Variants in UNC13D observed in about 807,000 individuals in gnomAD.
The protein encoded by UNC13D is protein unc-13 homolog D.
A neutral mutation model predicts 151.7 loss-of-function variants in UNC13D; 115 were observed. The ratio of observed to expected loss-of-function variants is 0.76; its 90% confidence interval spans 0.65 to 0.88. UNC13D has a LOEUF of 0.88. UNC13D is among the 40% of genes least tolerant of loss of function. The pLI is 0.00. For synonymous variants in UNC13D, 588 were observed against 612.2 expected, an observed-to-expected ratio of 0.96 and a Z score of 0.58; for missense variants, 1,369 against 1,438.7, an observed-to-expected ratio of 0.95 and a Z score of 0.78.
chr17:75,830,786 G>C, intron 27 of UNC13D, 125 bp from the exon 28 acceptor site: 1 of 1,240,384 alleles, frequency 8.1e-7, no homozygotes, highest in East Asian at 2.5e-5. Context: ...TGGGTCATGG[G>C]ACAACGGGCT....
Position 75,843,189 on chromosome 17 carries a change from C to T in UNC13D, c.231G>A (p.Glu77=), listed in dbSNP as rs148672333. 5.0e-6 allele frequency: 8 copies of T among 1,612,158 alleles called. No homozygotes were observed. The African/African-American group carries it at 8.0e-5, about 16-fold the overall frequency. ...LGHPEPNHVT[E]ASELLRYLQE... is the part of the protein sequence containing the mutation. ...GCAGGTATCGCAGCAGCTCAGAGGC[C>T]TCCGTCACATGGTTGGGCTCAGGAT... is the stretch of plus-strand genomic sequence containing the variant. Residue 77 remains glutamate (E), a synonymous_variant, in exon 3 of 32, where the codon GAG becomes GAA. Transcript: ENST00000207549.
intron 6 of UNC13D, 111 bp from the exon 7 acceptor site, chr17:75,841,112 C>A: frequency 1.4e-5 from 13 of 955,536 alleles, no homozygotes; most frequent in Non-Finnish European, 2.2e-5. Flanking sequence ...CCCTGCCAAA[C>A]TTCCCTCCTC....
At position 75,827,240 on chromosome 17, in the gene UNC13D, G is replaced by T. The variant is rs780651639; in HGVS notation, c.*725C>A. On this transcript the variant is annotated 3_prime_UTR_variant, in exon 32 of 32. Transcript: ENST00000207549. ...CAAAGGCATATTTTAAGAGGACAAT[G>T]GATTTGTTTTTATTAATTTTTTTGC... The T allele has an allele frequency of 4.9e-6, 2 of 405,202 alleles. No homozygotes were observed. Among genetic ancestry groups the T allele is most frequent in the Non-Finnish European group, 8.6e-6 (2 of 232,858 alleles). The allele number at this position is 405,202 out of a possible 1,614,324, so 25.1% of individuals were successfully genotyped here.
Position 75,828,181 on chromosome 17 carries a change from T to A in UNC13D, c.3152-95A>T, listed in dbSNP as rs116427461. ...TGTGTGGGGGGGTACACAACACTGC[T>A]CCATCTCCCCAACAACCTGGAAGGA... On this transcript the variant is annotated intron_variant, in intron 31 of 31. Transcript: ENST00000207549. The A allele has an allele frequency of 1.4e-3, 2,124 of 1,484,154 alleles. 29 individuals carry two copies. In the African/African-American group the frequency reaches 0.028, roughly 19 times the overall value. 91.9% of individuals were successfully genotyped at this position (1,484,154 alleles called of 1,614,324 possible).
Position 75,835,396 on chromosome 17 carries a change from G to C in UNC13D, c.1848+13C>G, listed in dbSNP as rs751021791. On this transcript the variant is annotated intron_variant, in intron 20 of 31. Transcript: ENST00000207549. The stretch of plus-strand genomic sequence containing the variant: ...AACCGGGGCCCCGCCCCCTGCCCTG[G>C]CCACGCCCCCACCTCATCCATCTGC... 17 of 1,610,012 alleles carry C rather than the reference G, an allele frequency of 1.1e-5. No individual in the cohort carries two copies. The highest frequency in any genetic ancestry group is 1.9e-4 in the Middle Eastern group (1 of 5,336).
At position 75,836,992 on chromosome 17, in the gene UNC13D, G is replaced by A. The variant is rs544691336; in HGVS notation, c.1056-74C>T. The A allele has an allele frequency of 5.9e-4, 868 of 1,459,012 alleles. 7 individuals are homozygous for A. The South Asian group carries it at 9.2e-3, about 15-fold the overall frequency. 90.4% of individuals were successfully genotyped at this position (1,459,012 alleles called of 1,614,324 possible). On this transcript the variant is annotated intron_variant, in intron 12 of 31. Transcript: ENST00000207549. ...TTCCCCTGTTCACCCGGCCTCAGGT[G>A]GGGGGAATCGCCTCCCATCCACCAG...
At chr17:75,838,689 T>A (rs914147135) in intron 12 of UNC13D, among the ~76,000 whole-genome samples, 15 of 152,112 alleles carry the variant, frequency 9.9e-5, no homozygotes, top group Admixed American at 5.2e-4. Flanking sequence ...GGGGCTGGGG[T>A]TAGGGACCGG....
At position 75,833,307 on chromosome 17, in the gene UNC13D, C is replaced by G; in HGVS notation, c.2368-262G>C. The G allele has an allele frequency of 2.8e-6, 1 of 355,088 alleles. No homozygotes were observed. The allele number at this position is 355,088 out of a possible 1,614,324, so 22.0% of individuals were successfully genotyped here. A position where few individuals can be genotyped will look rare whatever the true frequency, so the allele number is the denominator to read the frequency against. On this transcript the variant is annotated intron_variant, in intron 24 of 31. Coordinates refer to ENST00000207549, the MANE Select transcript of UNC13D (RefSeq NM_199242.3). This position sits in a 1 kb window ranked among gnomAD's most constrained non-coding sequence, Gnocchi z 4.0. ...TCAGGGTCTCTGCCCTTGCCGTTCC[C>G]TCTGCCTGGAATGCTCCTCCCCTAG...
In UNC13D at chr17:75,834,310, G is replaced by T. The variant is rs112341334; in HGVS notation, c.2298+15C>A. The stretch of plus-strand genomic sequence containing the variant: ...ACGGGATGGGATGGGGTGACTGTGC[G>T]GTCGGACAAGGTACCTGCTCGGCCA... On this transcript the variant is annotated intron_variant, in intron 23 of 31. Transcript: ENST00000207549. 9 of 1,592,756 alleles carry T rather than the reference G, an allele frequency of 5.7e-6. No homozygotes were observed. Among genetic ancestry groups the T allele is most frequent in the Non-Finnish European group, 7.6e-6 (9 of 1,177,826 alleles).
chr17:75,828,002 T>C lies in UNC13D; in HGVS notation c.3236A>G (p.Lys1079Arg), dbSNP rs753509314. 47 of 1,601,130 alleles carry C rather than the reference T, an allele frequency of 2.9e-5. No homozygotes were observed. The highest frequency in any genetic ancestry group is 6.7e-5 in the South Asian group (6 of 89,284). ...CCGCAAGGCATGCTGGGAGGCCTGC[T>C]TGGCCCGGTGCCGCCGCAGCCTCAC... ...VFVRLRRHRAKQASQHALRPA... is the reference protein window; with the variant it reads ...VFVRLRRHRARQASQHALRPA... The change falls in exon 32 of 32, where the codon AAG becomes AGG. Residue 1079 changes from lysine to arginine, a missense_variant. By Grantham distance (26) the Lys-to-Arg change is conservative (BLOSUM62 2). Coordinates refer to ENST00000207549, the MANE Select transcript of UNC13D (RefSeq NM_199242.3).
intron 28 of UNC13D, 29 bp from the exon 29 acceptor site, chr17:75,830,511 C>T: frequency 2.5e-6 from 4 of 1,587,534 alleles, no homozygotes; most frequent in Non-Finnish European, 3.4e-6. Flanking sequence ...GCAGGGTCAG[C>T]AGGGTCACAG....
At chr17:75,838,228 T>A (rs939759182) in intron 12 of UNC13D, among the ~76,000 whole-genome samples, 7 of 151,474 alleles carry the variant, frequency 4.6e-5, no homozygotes, top group Non-Finnish European at 8.9e-5. Context: ...TCTCTTTTTT[T>A]TTTTTTTTGA....
chr17:75,827,520 G>A lies in UNC13D; in HGVS notation c.*445C>T. On this transcript the variant is annotated 3_prime_UTR_variant, in exon 32 of 32. Coordinates refer to ENST00000207549, the MANE Select transcript of UNC13D (RefSeq NM_199242.3). ...CAGGGCAGCTGGAGCCTCATCTTTGGCAGGGTCCCCTCTCCCTTTTCCAGG... is the reference window on the plus strand; with the variant it reads ...CAGGGCAGCTGGAGCCTCATCTTTGACAGGGTCCCCTCTCCCTTTTCCAGG... 1 of 1,530,834 alleles carries A rather than the reference G, an allele frequency of 6.5e-7. No homozygotes were observed. 94.8% of individuals were successfully genotyped at this position (1,530,834 alleles called of 1,614,324 possible).
chr17:75,842,931 G>A lies in UNC13D; in HGVS notation c.322-8C>T, dbSNP rs769142756. ...CAGACAAAATATTGGCTTCTGGAGG[G>A]ACAGGAGGGATGGCCTGAGTCCCTG... On this transcript the variant is annotated splice_region_variant and splice_polypyrimidine_tract_variant and intron_variant, in intron 4 of 31. Transcript: ENST00000207549. 1.2e-6 allele frequency: 2 copies of A among 1,613,262 alleles called. No individual in the cohort carries two copies. The highest frequency in any genetic ancestry group is 1.7e-6 in the Non-Finnish European group (2 of 1,180,006).
chr17:75,843,495 A>T lies in UNC13D; in HGVS notation c.142T>A (p.Ser48Thr). ...ACTCTGACTCTTACCTGCTCGGGGG[A>T]GAAGTGGTGGGATGGAGGCTGGATC... Reference protein sequence around the residue: ...PEIQPPSHHFSPEQRALLYED... With the variant: ...PEIQPPSHHFTPEQRALLYED... Residue 48 changes from serine to threonine, a missense_variant, in exon 2 of 32, where the codon TCC becomes ACC. By Grantham distance (58) the Ser-to-Thr change is moderately conservative. Around this residue, in one of 3 missense-constraint regions of UNC13D, gnomAD observed 550 missense variants for 609.0 expected, o/e 0.90. Coordinates refer to ENST00000207549, the MANE Select transcript of UNC13D (RefSeq NM_199242.3). 1 of 1,610,754 alleles carries T rather than the reference A, an allele frequency of 6.2e-7. No homozygotes were observed. Among genetic ancestry groups the T allele is most frequent in the Non-Finnish European group, 8.5e-7 (1 of 1,179,216 alleles).
chr17:75,842,817 G>A, intron 5 of UNC13D, 40 bp downstream of exon 5: 1 of 1,611,786 alleles, frequency 6.2e-7, no homozygotes, highest in Non-Finnish European at 8.5e-7. Flanking sequence ...AGAGGAAGGA[G>A]CCAGGAAGAA....
rs748256131 is a variant in UNC13D at position 75,831,296 on chromosome 17, C to T, written c.2500G>A (p.Ala834Thr). ...HTLTVLVEAA[A>T]SQRSSSLASN... is the part of the protein sequence containing the mutation. Reference sequence around the variant, plus strand: ...GCCAGGGATGAGCTGCGCTGGGAGGCGGCCGCCTCCACCAGCACTGTGAGT... The same window carrying T: ...GCCAGGGATGAGCTGCGCTGGGAGGTGGCCGCCTCCACCAGCACTGTGAGT... The change falls in exon 26 of 32, where the codon GCC becomes ACC. Residue 834 changes from alanine to threonine, a missense_variant. Coordinates refer to ENST00000207549, the MANE Select transcript of UNC13D (RefSeq NM_199242.3). 1.5e-5 allele frequency: 24 copies of T among 1,613,534 alleles called. No individual in the cohort carries two copies. The highest frequency in any genetic ancestry group is 1.6e-4 in the Middle Eastern group (1 of 6,080).
Position 75,840,834 on chromosome 17 carries a change from G to T in UNC13D, c.615-4C>A. 1 of 1,614,074 alleles carries T rather than the reference G, an allele frequency of 6.2e-7. No individual in the cohort carries two copies. Among genetic ancestry groups the T allele is most frequent in the Non-Finnish European group, 8.5e-7 (1 of 1,180,026 alleles). ...AGACTCCACAGTGTCCAGGTCCCTG[G>T]CAGGACAGAGGTTTGAGAAGGAAGC... On this transcript the variant is annotated splice_region_variant and splice_polypyrimidine_tract_variant and intron_variant, in intron 7 of 31. Coordinates refer to ENST00000207549, the MANE Select transcript of UNC13D (RefSeq NM_199242.3). This position sits in a 1 kb window ranked among gnomAD's most constrained non-coding sequence, Gnocchi z 4.6.
intron 1 of UNC13D, chr17:75,843,949 C>T: frequency 4.3e-6 from 6 of 1,393,308 alleles, no homozygotes; most frequent in Non-Finnish European, 5.6e-6. Flanking sequence ...TCTTCTGAAG[C>T]TGGAGGAGTA....
Sources: allele counts gnomAD v4.1 joint callset (sites outside exome capture counted in the v4.1 genomes callset), GRCh38; gene constraint gnomAD v4.1.1; regional missense constraint gnomAD v4.1.1; non-coding constraint Gnocchi (gnomAD v3.1); transcripts MANE v1.5; gene names NCBI Gene and HGNC (gene_info 2026-07-23, HGNC 2026-07-21).